Variants in AP3B1 observed in about 807,000 individuals in gnomAD.
AP3B1 encodes the protein adaptor related protein complex 3 subunit beta 1, also known as AP-3 complex subunit beta-1.
A neutral mutation model predicts 132.5 loss-of-function variants in AP3B1; 61 were observed. The ratio of observed to expected loss-of-function variants is 0.46; its 90% confidence interval spans 0.37 to 0.57. AP3B1 has a LOEUF of 0.57. Ranked by LOEUF, AP3B1 falls within the 20% of genes least tolerant of loss-of-function variation. The probability of loss-of-function intolerance (pLI) is 0.00; values close to 1 mark genes in which losing one functional copy is unlikely to be tolerated. For missense variants in AP3B1, 1,120 were observed against 1,289.4 expected (o/e 0.87, Z 2.01); for synonymous variants, 388 against 438.3 (o/e 0.89, Z 1.43).
chr5:78,158,987 G>A lies in AP3B1; in HGVS notation c.1364-2620C>T, dbSNP rs1470436899. On this transcript the variant is annotated intron_variant, in intron 13 of 26. Coordinates refer to ENST00000255194, the MANE Select transcript of AP3B1 (RefSeq NM_003664.5). ...GCTGGGACTACAGGCGTGAGCCACC[G>A]CGCCCACCCATAGGCAAGTATTACT... 5.9e-5 allele frequency among the ~76,000 whole-genome samples: 9 copies of A among 152,228 alleles called. No homozygotes were observed. In the South Asian group the frequency reaches 6.2e-4, roughly 11 times the overall value.
intron 15 of AP3B1, among the ~76,000 whole-genome samples, chr5:78,130,237 T>C (rs1172902809): frequency 3.3e-5 from 5 of 152,058 alleles, no homozygotes; most frequent in Non-Finnish European, 7.4e-5. Flanking sequence ...ATAGAATTCA[T>C]AATATATGGG....
intron 1 of AP3B1, among the ~76,000 whole-genome samples, chr5:78,282,787 G>A (rs1749112968): frequency 6.6e-6 from 1 of 151,874 alleles, no homozygotes; most frequent in African/African-American, 2.4e-5. Context: ...CAAGGCAGGA[G>A]GACGGCTTGA....
At chr5:78,266,052 T>C (rs1301114254) in intron 2 of AP3B1, among the ~76,000 whole-genome samples, 1 of 152,190 alleles carries the variant, frequency 6.6e-6, no homozygotes, top group Admixed American at 6.5e-5. Context: ...CACTGACAGA[T>C]TTTGAAAGAA....
chr5:78,080,847 A>G (rs1749968676), intron 22 of AP3B1, among the ~76,000 whole-genome samples: 1 of 152,200 alleles, frequency 6.6e-6, no homozygotes, highest in Non-Finnish European at 1.5e-5. Context: ...ATCGGTGGAA[A>G]AACTTTTGAT....
chr5:78,176,324 T>C (rs968432022), intron 9 of AP3B1, among the ~76,000 whole-genome samples: 2 of 151,134 alleles, frequency 1.3e-5, no homozygotes, highest in South Asian at 2.1e-4. Flanking sequence ...CTTTCTGATA[T>C]CTTTTGAACT....
chr5:78,177,507 T>C (rs1744196535), intron 8 of AP3B1, 71 bp from the exon 9 acceptor site: 1 of 1,081,078 alleles, frequency 9.3e-7, no homozygotes. Context: ...AATCCATTCC[T>C]ACACATTATT....
chr5:78,240,797 A>T, intron 3 of AP3B1, 65 bp downstream of exon 3: 1 of 1,081,672 alleles, frequency 9.2e-7, no homozygotes, highest in Non-Finnish European at 1.4e-6. Context: ...GCATTATACT[A>T]CATAAAAAGT....
At chr5:78,204,443 G>C (rs932337493) in intron 7 of AP3B1, among the ~76,000 whole-genome samples, 1 of 152,148 alleles carries the variant, frequency 6.6e-6, no homozygotes, top group African/African-American at 2.4e-5. Flanking sequence ...TAAAAGCTTA[G>C]GTTCTTATCA....
intron 19 of AP3B1, 101 bp downstream of exon 19, chr5:78,113,651 C>A: frequency 1.5e-6 from 2 of 1,356,690 alleles, no homozygotes; most frequent in Non-Finnish European, 2.1e-6. Context: ...AAAATACACA[C>A]TTTTTTTCTC....
At chr5:78,090,666 T>C (rs1750470957) in intron 21 of AP3B1, among the ~76,000 whole-genome samples, 1 of 152,248 alleles carries the variant, frequency 6.6e-6, no homozygotes, top group Non-Finnish European at 1.5e-5. Flanking sequence ...CTAGTCTGTG[T>C]GAACAGACAA....
At chr5:78,233,816 G>C (rs1436070528) in intron 3 of AP3B1, among the ~76,000 whole-genome samples, 1 of 143,946 alleles carries the variant, frequency 6.9e-6, no homozygotes, top group South Asian at 2.2e-4. Flanking sequence ...GAGCTAGCAA[G>C]TGCAGAATCA....
chr5:78,282,145 C>T (rs539919439), intron 1 of AP3B1, among the ~76,000 whole-genome samples: 12 of 152,286 alleles, frequency 7.9e-5, no homozygotes, highest in African/African-American at 2.9e-4. Context: ...TCCCTTGACA[C>T]TGCTGTCACC....
At chr5:78,124,120 T>C (rs1752358461) in intron 17 of AP3B1, among the ~76,000 whole-genome samples, 1 of 152,130 alleles carries the variant, frequency 6.6e-6, no homozygotes, top group Admixed American at 6.5e-5. Context: ...ACACCACATG[T>C]TCTCACTCAT....
At chr5:78,024,479 T>A (rs1318399776) in intron 24 of AP3B1, among the ~76,000 whole-genome samples, 1 of 151,890 alleles carries the variant, frequency 6.6e-6, no homozygotes, top group Non-Finnish European at 1.5e-5. Context: ...AGCCTCGACC[T>A]CCTGGGCTCA....
chr5:78,123,176 C>T (rs1226122106), intron 17 of AP3B1, among the ~76,000 whole-genome samples: 2 of 152,182 alleles, frequency 1.3e-5, no homozygotes, highest in Non-Finnish European at 2.9e-5. Context: ...CCCTTCCTTA[C>T]ACCTTATACA....
rs201198522 is a variant in AP3B1 at position 78,003,077 on chromosome 5, C to T, written c.3132-22G>A. 1.2e-3 allele frequency: 1,897 copies of T among 1,612,970 alleles called. 2 individuals carry two copies. The highest frequency in any genetic ancestry group is 1.5e-3 in the Non-Finnish European group (1,727 of 1,179,436). ...AAACCTGGAAGAGAAAAAAGAGAGA[C>T]CTTTTATCATAAGATGGGGAGGGTA... On this transcript the variant is annotated intron_variant, in intron 26 of 26. Coordinates refer to ENST00000255194, the MANE Select transcript of AP3B1 (RefSeq NM_003664.5).
At chr5:78,076,577 T>A (rs770111621) in intron 22 of AP3B1, among the ~76,000 whole-genome samples, 8 of 152,276 alleles carry the variant, frequency 5.3e-5, no homozygotes, top group Non-Finnish European at 7.4e-5. Flanking sequence ...TAACTCAGGA[T>A]AAGGCTGGCC....
chr5:78,065,815 G>A (rs1249804607), intron 22 of AP3B1, among the ~76,000 whole-genome samples: 1 of 152,186 alleles, frequency 6.6e-6, no homozygotes, highest in Admixed American at 6.5e-5. Flanking sequence ...CCAAGGGTTA[G>A]CCAGAGTGCT....
At chr5:78,075,946 T>C (rs1318633222) in intron 22 of AP3B1, among the ~76,000 whole-genome samples, 1 of 152,244 alleles carries the variant, frequency 6.6e-6, no homozygotes, top group African/African-American at 2.4e-5. Context: ...ATGAAAATCA[T>C]CCTTCTACTT....
Sources: allele counts gnomAD v4.1 joint callset (sites outside exome capture counted in the v4.1 genomes callset), GRCh38; gene constraint gnomAD v4.1.1; transcripts MANE v1.5; gene names NCBI Gene and HGNC (gene_info 2026-07-23, HGNC 2026-07-21).